UQCC1: variants seen among roughly 807,000 people sequenced by gnomAD.
The protein encoded by UQCC1 is bFGF-repressed Zic-binding protein.
UQCC1 carries 38 observed loss-of-function variants against 48.0 expected under a neutral mutation model. That is an observed-to-expected ratio of 0.79 (90% CI 0.61 to 1.04). The LOEUF (loss-of-function observed/expected upper bound fraction) is 1.04. Ranked by LOEUF, UQCC1 falls within the 50% of genes least tolerant of loss-of-function variation. The probability of loss-of-function intolerance (pLI) is 0.00; values close to 1 mark genes in which losing one functional copy is unlikely to be tolerated. For synonymous variants in UQCC1, 111 were observed against 129.2 expected (o/e 0.86, Z 0.95); for missense variants, 368 against 381.8 (o/e 0.96, Z 0.30).
chr20:35,311,669 C>T (rs533364345), intron 8 of UQCC1, among the ~76,000 whole-genome samples: 1 of 152,288 alleles, frequency 6.6e-6, no homozygotes, highest in Non-Finnish European at 1.5e-5. Context: ...CTCTAGGTGA[C>T]TCACATGCAC....
intron 7 of UQCC1, among the ~76,000 whole-genome samples, chr20:35,318,493 C>T (rs1331018157): frequency 1.3e-5 from 2 of 152,212 alleles, no homozygotes; most frequent in Admixed American, 6.5e-5. Context: ...TGGTTGGCTA[C>T]TGCCCAGGAA....
chr20:35,336,352 GATT>G (rs2061316406), intron 7 of UQCC1, among the ~76,000 whole-genome samples: 1 of 152,198 alleles, frequency 6.6e-6, no homozygotes, highest in Non-Finnish European at 1.5e-5. Context: ...GGCAAAAAAG[GATT>G]TTGCAGCTGT....
intron 8 of UQCC1, among the ~76,000 whole-genome samples, chr20:35,314,151 A>G (rs991047821): frequency 1.3e-5 from 2 of 151,356 alleles, no homozygotes; most frequent in Non-Finnish European, 2.9e-5. Flanking sequence ...TTTTAGTGAC[A>G]CGGGGTTTCA....
intron 7 of UQCC1, among the ~76,000 whole-genome samples, chr20:35,323,370 AT>A (rs1480978034): frequency 6.6e-6 from 1 of 152,262 alleles, no homozygotes; most frequent in East Asian, 1.9e-4. Flanking sequence ...AAATAAAAAA[AT>A]AACAGGATGA....
At chr20:35,395,895 G>A (rs1174865750) in intron 1 of UQCC1, among the ~76,000 whole-genome samples, 2 of 152,008 alleles carry the variant, frequency 1.3e-5, no homozygotes, top group African/African-American at 2.4e-5. Flanking sequence ...CAGTGGGCAC[G>A]GGCTCCCTCT....
intron 4 of UQCC1, among the ~76,000 whole-genome samples, chr20:35,376,740 G>A (rs982927761): frequency 3.9e-5 from 6 of 152,040 alleles, no homozygotes; most frequent in African/African-American, 7.2e-5. Context: ...TGAGGTGGGC[G>A]GATCACGAGG....
chr20:35,365,082 A>G (rs1484855192), intron 6 of UQCC1, among the ~76,000 whole-genome samples: 1 of 152,140 alleles, frequency 6.6e-6, no homozygotes, highest in Non-Finnish European at 1.5e-5. Context: ...TTCAGACAAC[A>G]AGATGGCAGG....
At chr20:35,325,968 C>T (rs1311800190) in intron 7 of UQCC1, among the ~76,000 whole-genome samples, 2 of 152,184 alleles carry the variant, frequency 1.3e-5, no homozygotes, top group South Asian at 2.1e-4. Context: ...GTAAATGGCC[C>T]TGAACGCCAG....
At chr20:35,403,368 C>T (rs574178002) in intron 1 of UQCC1, among the ~76,000 whole-genome samples, 1 of 152,040 alleles carries the variant, frequency 6.6e-6, no homozygotes, top group Admixed American at 6.6e-5. Flanking sequence ...TATTTCCTAC[C>T]CACGTCCTGG....
intron 7 of UQCC1, among the ~76,000 whole-genome samples, chr20:35,319,087 C>G (rs1208567640): frequency 6.6e-6 from 1 of 152,132 alleles, no homozygotes; most frequent in East Asian, 1.9e-4. Context: ...GGAAAAGGTT[C>G]CTTTTATATC....
intron 1 of UQCC1, among the ~76,000 whole-genome samples, chr20:35,408,424 T>G (rs1470470497): frequency 6.6e-6 from 1 of 152,020 alleles, no homozygotes; most frequent in Non-Finnish European, 1.5e-5. Context: ...CAAGACCTTG[T>G]CTCAAAAACA....
chr20:35,376,836 G>C (rs891798410), intron 4 of UQCC1, among the ~76,000 whole-genome samples: 1 of 151,872 alleles, frequency 6.6e-6, no homozygotes, highest in Non-Finnish European at 1.5e-5. Context: ...GGTGGTACGC[G>C]CCTGTAGTCC....
At position 35,347,310 on chromosome 20, in the gene UQCC1, G is replaced by C. The variant is rs371041290; in HGVS notation, c.465-38C>G. 62 of 1,609,072 alleles carry C rather than the reference G, an allele frequency of 3.9e-5. No homozygotes were observed. The African/African-American group carries it at 7.5e-4, about 19-fold the overall frequency. On this transcript the variant is annotated intron_variant, in intron 6 of 9. Transcript: ENST00000374385. ...AAGACAAAAAAAGTCTTGGCTGTTT[G>C]CATTTTTCACATCACACATTTCCAC...
intron 6 of UQCC1, among the ~76,000 whole-genome samples, chr20:35,351,681 T>C (rs2061491791): frequency 6.6e-6 from 1 of 152,224 alleles, no homozygotes; most frequent in South Asian, 2.1e-4. Context: ...TGTAGTTTGT[T>C]AATACACCTG....
chr20:35,331,764 C>T (rs959489603), intron 7 of UQCC1, among the ~76,000 whole-genome samples: 3 of 152,190 alleles, frequency 2.0e-5, no homozygotes, highest in African/African-American at 7.2e-5. Flanking sequence ...AAGATAGGAT[C>T]TTTGTCCTCC....
chr20:35,382,088 T>C, intron 3 of UQCC1, 63 bp from the exon 4 acceptor site: 2 of 1,040,720 alleles, frequency 1.9e-6, no homozygotes, highest in East Asian at 2.4e-5. Context: ...GAATGCTTTG[T>C]TCCTCATCAG....
At chr20:35,348,069 T>C (rs2061450238) in intron 6 of UQCC1, among the ~76,000 whole-genome samples, 2 of 152,232 alleles carry the variant, frequency 1.3e-5, no homozygotes, top group African/African-American at 4.8e-5. Context: ...TAAGCTCTAC[T>C]GAAGATAAAG....
At chr20:35,353,354 C>T (rs910461797) in intron 6 of UQCC1, among the ~76,000 whole-genome samples, 4 of 149,466 alleles carry the variant, frequency 2.7e-5, no homozygotes, top group Non-Finnish European at 5.9e-5. Context: ...TGAGATCATG[C>T]CACTGTACTC....
At chr20:35,374,515 T>C (rs1366161944) in intron 4 of UQCC1, among the ~76,000 whole-genome samples, 1 of 152,246 alleles carries the variant, frequency 6.6e-6, no homozygotes, top group Non-Finnish European at 1.5e-5. Context: ...ATGAAATCTC[T>C]CATTTAATTC....
Sources: gnomAD v4.1 joint callset for allele counts (sites outside exome capture counted in the v4.1 genomes callset) on GRCh38, gnomAD v4.1.1 for gene constraint, MANE v1.5 for transcripts, NCBI Gene and HGNC (gene_info 2026-07-23, HGNC 2026-07-21) for gene names.